Variants in PCNT observed in about 807,000 individuals in gnomAD.
PCNT encodes the protein kendrin.
A neutral mutation model predicts 380.4 loss-of-function variants in PCNT; 319 were observed. That is an observed-to-expected ratio of 0.84 (90% CI 0.77 to 0.92). The LOEUF (loss-of-function observed/expected upper bound fraction) is 0.92. Among genes scored for constraint, PCNT ranks in the 40% least tolerant of loss-of-function variants. PCNT has a pLI of 0.00. For missense variants in PCNT, 4,400 were observed against 4,255.3 expected (o/e 1.03, Z -0.95); for synonymous variants, 1,845 against 1,735.2 (o/e 1.06, Z -1.57).
At chr21:46,378,576 C>T (rs912579758) in intron 15 of PCNT, among the ~76,000 whole-genome samples, 5 of 152,020 alleles carry the variant, frequency 3.3e-5, no homozygotes, top group African/African-American at 1.2e-4. Flanking sequence ...TTCCTCACAC[C>T]GTTCAGCTTG....
At chr21:46,364,146 G>A (rs922464440) in intron 14 of PCNT, among the ~76,000 whole-genome samples, 11 of 151,552 alleles carry the variant, frequency 7.3e-5, no homozygotes, top group African/African-American at 1.7e-4. Flanking sequence ...TTGCCATCCT[G>A]AAGCCCCCTG....
intron 21 of PCNT, among the ~76,000 whole-genome samples, chr21:46,396,832 A>G (rs1479312254): frequency 1.3e-5 from 2 of 152,094 alleles, no homozygotes. Context: ...CAAACTCCTG[A>G]CGTCGAGTGA....
chr21:46,384,267 C>T (rs1449466007), intron 16 of PCNT, among the ~76,000 whole-genome samples: 1 of 147,180 alleles, frequency 6.8e-6, no homozygotes, highest in Non-Finnish European at 1.5e-5. Context: ...GTTGTATATT[C>T]AGTGGCGGAA....
intron 15 of PCNT, among the ~76,000 whole-genome samples, chr21:46,368,682 G>A (rs777593206): frequency 3.9e-5 from 6 of 152,214 alleles, no homozygotes; most frequent in Non-Finnish European, 7.3e-5. Flanking sequence ...CTGCTCTGTT[G>A]AGCATGTGGA....
At chr21:46,349,628 C>A in intron 7 of PCNT, 56 bp from the exon 8 acceptor site, 1 of 1,575,086 alleles carries the variant, frequency 6.3e-7, no homozygotes, top group Non-Finnish European at 8.7e-7. Flanking sequence ...TCACTGAGGT[C>A]GCTGTTGAGG....
chr21:46,367,178 T>C, intron 15 of PCNT, 39 bp downstream of exon 15: 1 of 1,546,708 alleles, frequency 6.5e-7, no homozygotes, highest in Non-Finnish European at 8.9e-7. Flanking sequence ...AGGGCAGGCC[T>C]CTCCTCGCTG....
At chr21:46,352,833 C>G (rs963131790) in intron 9 of PCNT, among the ~76,000 whole-genome samples, 12 of 152,148 alleles carry the variant, frequency 7.9e-5, no homozygotes, top group African/African-American at 2.9e-4. Flanking sequence ...CATCGTCTGT[C>G]TCCTTGCTGG....
intron 16 of PCNT, among the ~76,000 whole-genome samples, chr21:46,383,364 C>T (rs1390251191): frequency 5.6e-5 from 8 of 143,266 alleles, no homozygotes; most frequent in South Asian, 4.7e-4. Context: ...GTGGCGGAAG[C>T]GCATTCACCA....
In PCNT at chr21:46,382,737, C is replaced by G. The variant is rs1223424793; in HGVS notation, c.3312+897C>G. On this transcript the variant is annotated intron_variant, in intron 16 of 46. Coordinates refer to ENST00000359568, the MANE Select transcript of PCNT (RefSeq NM_006031.6). ...CAGTGGCGGAAGCGCATTCACAGTG[C>G]TGTGCATTCAGTGGCGGAAGCGCAT... 2.1e-5 allele frequency among the ~76,000 whole-genome samples: 2 copies of G among 95,264 alleles called. 1 individual carries two copies. The highest frequency in any genetic ancestry group is 2.4e-4 in the Admixed American group (2 of 8,468). The allele number at this position is 95,264 out of a possible 152,430, so 62.5% of individuals were successfully genotyped here.
At chr21:46,441,212 A>AT in intron 43 of PCNT, 128 bp downstream of exon 43, 1 of 708,544 alleles carries the variant, frequency 1.4e-6, no homozygotes, top group Middle Eastern at 3.2e-4. Flanking sequence ...GATGAATGGC[A>AT]TTTGAGGCCT....
rs1486232846 is a variant in PCNT, at chr21:46,353,094, T to TA, written c.1457-9dup. ...TTTTAAGACGATTGCCTGACTCCGT[T>TA]ATGTTGCAGAGCTACATGAGCAACT... On this transcript the variant is annotated splice_polypyrimidine_tract_variant and intron_variant, in intron 9 of 46. Transcript: ENST00000359568. 5 of 1,609,582 alleles carry TA rather than the reference T, an allele frequency of 3.1e-6. No individual in the cohort carries two copies. The highest frequency in any genetic ancestry group is 1.7e-4 in the Middle Eastern group (1 of 6,058).
chr21:46,443,976 T>C (rs774005247), intron 45 of PCNT, 28 bp downstream of exon 45: 2 of 1,605,608 alleles, frequency 1.2e-6, no homozygotes, highest in Non-Finnish European at 1.7e-6. Context: ...AGGCCCCGTC[T>C]CCTGCCAGGG....
chr21:46,368,062 G>C (rs539463661), intron 15 of PCNT, among the ~76,000 whole-genome samples: 1 of 152,198 alleles, frequency 6.6e-6, no homozygotes, highest in African/African-American at 2.4e-5. Flanking sequence ...GGCTGAAGCA[G>C]GAGGATTGCT....
In PCNT at chr21:46,354,080, C is replaced by T. The variant is rs767950101; in HGVS notation, c.1761+12C>T. 1.7e-5 allele frequency: 28 copies of T among 1,611,764 alleles called. No homozygotes were observed. Among genetic ancestry groups the T allele is most frequent in the East Asian group, 6.7e-5 (3 of 44,878 alleles). ...CTGAGCGACATAAGGTAATTGGCCG[C>T]GCGCTGAGAAGTGGGGGAGTCCTGT... is the stretch of plus-strand genomic sequence containing the variant. On this transcript the variant is annotated intron_variant, in intron 11 of 46. Coordinates refer to ENST00000359568, the MANE Select transcript of PCNT (RefSeq NM_006031.6).
In PCNT at chr21:46,428,456, C is replaced by T; in HGVS notation, c.7556C>T (p.Ser2519Phe). Reference sequence around the variant, plus strand: ...TTGCCGGACCGGAGCAGCCTGCTGTCCGAGATCCAGGCGCTGCGTGCCCAG... The same window carrying T: ...TTGCCGGACCGGAGCAGCCTGCTGTTCGAGATCCAGGCGCTGCGTGCCCAG... ...LRLPDRSSLL[S>F]EIQALRAQLR... The change falls in exon 35 of 47, where the codon TCC becomes TTC. Residue 2519 changes from serine to phenylalanine, a missense_variant. Transcript: ENST00000359568. The T allele has an allele frequency of 1.2e-6, 2 of 1,612,506 alleles. No individual in the cohort carries two copies. Among genetic ancestry groups the T allele is most frequent in the Admixed American group, 1.7e-5 (1 of 59,988 alleles).
intron 34 of PCNT, 68 bp downstream of exon 34, chr21:46,427,863 A>T: frequency 1.3e-6 from 2 of 1,536,960 alleles, no homozygotes; most frequent in Non-Finnish European, 1.8e-6. Context: ...AGAGGGTGAC[A>T]CAGACTGTTT....
intron 2 of PCNT, among the ~76,000 whole-genome samples, chr21:46,326,999 C>T (rs2083415439): frequency 6.7e-6 from 1 of 148,988 alleles, no homozygotes; most frequent in Non-Finnish European, 1.5e-5. Flanking sequence ...GGTGACAGAG[C>T]GAGACTCTCT....
Position 46,386,075 on chromosome 21 carries a change from G to A in PCNT, c.3464+92G>A, listed in dbSNP as rs975059248. The stretch of plus-strand genomic sequence containing the variant: ...ATTGGTCCCCACGGCTCCTGGCCCC[G>A]TGGCTGCTGCCACCATGCACGCTGG... On this transcript the variant is annotated intron_variant, in intron 17 of 46. Transcript: ENST00000359568. 58 of 1,504,232 alleles carry A rather than the reference G, an allele frequency of 3.9e-5. No individual in the cohort carries two copies. In the South Asian group the frequency reaches 4.3e-4, roughly 11 times the overall value. 93.2% of individuals were successfully genotyped at this position (1,504,232 alleles called of 1,614,324 possible).
chr21:46,437,088 G>A lies in PCNT; in HGVS notation c.9099+7G>A, dbSNP rs2053479592. 1.9e-6 allele frequency: 3 copies of A among 1,606,942 alleles called. No homozygotes were observed. Among genetic ancestry groups the A allele is most frequent in the African/African-American group, 2.7e-5 (2 of 74,796 alleles). On this transcript the variant is annotated splice_region_variant and intron_variant, in intron 40 of 46. Coordinates refer to ENST00000359568, the MANE Select transcript of PCNT (RefSeq NM_006031.6). ...CAGGCCCACCTCCTCCCAGGTAAGG[G>A]GTGAGCGCCCCCAGGTCCCTGGCCT...
Sources: gnomAD v4.1 joint callset for allele counts (sites outside exome capture counted in the v4.1 genomes callset) on GRCh38, gnomAD v4.1.1 for gene constraint, MANE v1.5 for transcripts, NCBI Gene and HGNC (gene_info 2026-07-23, HGNC 2026-07-21) for gene names.